BIRC6: variants seen among roughly 807,000 people sequenced by gnomAD.
The protein encoded by BIRC6 is baculoviral IAP repeat containing 6, also known as dual E2 ubiquitin-conjugating enzyme/E3 ubiquitin-protein ligase BIRC6.
In BIRC6, 98 loss-of-function variants were observed where a neutral mutation model predicts 503.3. The observed-to-expected ratio is 0.19, with a 90% confidence interval of 0.17 to 0.23. The LOEUF is 0.23. Ranked by LOEUF, BIRC6 falls within the 10% of genes least tolerant of loss-of-function variation. The probability of loss-of-function intolerance (pLI) is 1.00; values close to 1 mark genes in which losing one functional copy is unlikely to be tolerated. For synonymous variants in BIRC6, 2,240 were observed against 2,078.7 expected (o/e 1.08, Z -2.11); for missense variants, 5,360 against 5,806.0 (o/e 0.92, Z 2.50).
At chr2:32,424,609 G>T (rs1166736091) in intron 10 of BIRC6, among the ~76,000 whole-genome samples, 1 of 151,158 alleles carries the variant, frequency 6.6e-6, no homozygotes, top group African/African-American at 2.4e-5. Flanking sequence ...TTGCCTCCCC[G>T]GCTCTAGTGA....
chr2:32,538,434 C>G (rs931251752), intron 61 of BIRC6, among the ~76,000 whole-genome samples: 2 of 151,660 alleles, frequency 1.3e-5, no homozygotes, highest in African/African-American at 2.4e-5. Context: ...TCCAAATGGC[C>G]CATACATTAG....
intron 4 of BIRC6, among the ~76,000 whole-genome samples, chr2:32,391,323 C>G (rs1172631017): frequency 6.6e-6 from 1 of 151,996 alleles, no homozygotes; most frequent in Non-Finnish European, 1.5e-5. Context: ...CTTTGATGAA[C>G]TTAGGTCTGT....
rs113083667 is a variant in BIRC6 at position 32,598,118 on chromosome 2, G to T, written c.13830+150G>T. On this transcript the variant is annotated intron_variant, in intron 69 of 73. Coordinates refer to ENST00000421745, the MANE Select transcript of BIRC6 (RefSeq NM_016252.4). ...CCATTTTTAGACGGCAGTGAAAGGA[G>T]CCTCCCCACCCCTCCCCCCCTTTTT... 6.8e-3 allele frequency: 4,804 copies of T among 701,890 alleles called. 39 individuals carry two copies. Among genetic ancestry groups the T allele is most frequent in the Middle Eastern group, 0.022 (52 of 2,364 alleles). 43.5% of individuals were successfully genotyped at this position (701,890 alleles called of 1,614,324 possible).
chr2:32,467,060 A>G (rs544297748), intron 26 of BIRC6, among the ~76,000 whole-genome samples: 1 of 150,750 alleles, frequency 6.6e-6, no homozygotes, highest in Admixed American at 6.7e-5. Flanking sequence ...CGGAGCTTGC[A>G]GTGAGCAGAG....
chr2:32,491,691 TTTG>T (rs1200977592), intron 44 of BIRC6, 133 bp downstream of exon 44: 2 of 998,292 alleles, frequency 2.0e-6, no homozygotes, highest in Non-Finnish European at 2.8e-6. Flanking sequence ...TAAAAAAGGT[TTTG>T]TTATTTGTAA....
intron 12 of BIRC6, among the ~76,000 whole-genome samples, chr2:32,431,927 A>T (rs540014616): frequency 6.6e-6 from 1 of 152,370 alleles, no homozygotes; most frequent in South Asian, 2.1e-4. Context: ...ATTGCATGTA[A>T]GAGTGAGAGA....
chr2:32,468,164 T>C (rs2048755402), intron 28 of BIRC6, 53 bp downstream of exon 28: 3 of 1,522,616 alleles, frequency 2.0e-6, no homozygotes, highest in East Asian at 4.6e-5. Flanking sequence ...TTTTATATAA[T>C]GTCTTGCTTA....
chr2:32,580,193 A>G (rs1402902053), intron 66 of BIRC6, among the ~76,000 whole-genome samples: 4 of 152,064 alleles, frequency 2.6e-5, no homozygotes, highest in Non-Finnish European at 5.9e-5. Flanking sequence ...ACCTCAGGTA[A>G]TCCGCCCGCC....
intron 9 of BIRC6, among the ~76,000 whole-genome samples, chr2:32,407,881 A>G (rs2041413977): frequency 2.0e-5 from 3 of 152,156 alleles, no homozygotes; most frequent in African/African-American, 4.8e-5. Context: ...TTAAAAAAAC[A>G]TAGACTGAGG....
intron 48 of BIRC6, 73 bp from the exon 49 acceptor site, chr2:32,502,969 T>G (rs1205490592): frequency 4.6e-6 from 7 of 1,516,062 alleles, no homozygotes; most frequent in Non-Finnish European, 6.3e-6. Context: ...TGTAGTCTTT[T>G]GTGGAAGTTT....
At chr2:32,522,663 G>A (rs2055850441) in intron 57 of BIRC6, 2 of 152,126 alleles carry the variant, frequency 1.3e-5, no homozygotes, top group African/African-American at 4.8e-5. Context: ...TTAAGGCTCT[G>A]TCCTTATGAG....
At position 32,574,160 on chromosome 2, in the gene BIRC6, CTTTTTTTTTTTT is replaced by C. The variant is rs1055060322; in HGVS notation, c.13145-988_13145-977del. Among the ~76,000 whole-genome samples the C allele has an allele frequency of 1.1e-4, 14 of 124,684 alleles. No individual in the cohort carries two copies. The South Asian group carries it at 3.5e-3, about 31-fold the overall frequency. 81.8% of individuals were successfully genotyped at this position (124,684 alleles called of 152,430 possible). On this transcript the variant is annotated intron_variant, in intron 65 of 73. Transcript: ENST00000421745. ...TTTGAGAATCCAAGTATAACTTTTT[CTTTTTTTTTTTT>C]TTTTTTTGAGGCGGGATTTTGCCCT...
Position 32,618,019 on chromosome 2 carries a change from A to C in BIRC6, c.*115A>C. ...TAGGTAATGAAACTGAAACTATACTATGCCCTTAAGGAGATCCAGTTTAAT... is the reference window on the plus strand; with the variant it reads ...TAGGTAATGAAACTGAAACTATACTCTGCCCTTAAGGAGATCCAGTTTAAT... On this transcript the variant is annotated 3_prime_UTR_variant, in exon 74 of 74. Coordinates refer to ENST00000421745, the MANE Select transcript of BIRC6 (RefSeq NM_016252.4). The C allele has an allele frequency of 9.4e-7, 1 of 1,060,868 alleles. No homozygotes were observed. Among genetic ancestry groups the C allele is most frequent in the Non-Finnish European group, 1.3e-6 (1 of 747,296 alleles). The allele number at this position is 1,060,868 out of a possible 1,614,324, so 65.7% of individuals were successfully genotyped here.
intron 49 of BIRC6, among the ~76,000 whole-genome samples, chr2:32,504,693 A>T (rs888967631): frequency 2.6e-5 from 4 of 151,734 alleles, no homozygotes; most frequent in Non-Finnish European, 4.4e-5. Context: ...ATAAATAAAT[A>T]ATAAAAAAAA....
rs531671571 is a variant in BIRC6, at chr2:32,531,395, T to C, written c.12135T>C (p.Ala4045=). 5 of 1,613,624 alleles carry C rather than the reference T, an allele frequency of 3.1e-6. No individual in the cohort carries two copies. Among genetic ancestry groups the C allele is most frequent in the African/African-American group, 2.7e-5 (2 of 74,908 alleles). The change falls in exon 61 of 74, where the codon GCT becomes GCC. Residue 4045 remains alanine (A), a synonymous_variant. Transcript: ENST00000421745. The stretch of plus-strand genomic sequence containing the variant: ...TTGCTAGCTGTCCAGAAGATGAGGC[T>C]CTCACTCCAGGTGATGAATGCATGG... ...DLLASCPEDE[A]LTPGDECMDG...
intron 22 of BIRC6, 80 bp downstream of exon 22, chr2:32,449,008 T>G (rs2046385362): frequency 7.3e-7 from 1 of 1,363,932 alleles, no homozygotes; most frequent in Non-Finnish European, 1.0e-6. Flanking sequence ...TAGATTATAG[T>G]CATGATGTTT....
At chr2:32,416,923 G>A (rs1025974782) in intron 10 of BIRC6, among the ~76,000 whole-genome samples, 21 of 149,910 alleles carry the variant, frequency 1.4e-4, no homozygotes, top group Non-Finnish European at 2.5e-4. Context: ...TGCAACATCC[G>A]CTCCCAGGTT....
Position 32,476,315 on chromosome 2 carries a change from C to A in BIRC6, c.6823C>A (p.Gln2275Lys). The A allele has an allele frequency of 6.3e-7, 1 of 1,576,822 alleles. No individual in the cohort carries two copies. The highest frequency in any genetic ancestry group is 8.6e-7 in the Non-Finnish European group (1 of 1,159,802). ...KGSSYKLLVE[Q>K]AKLKQATSKH... ...ATCATCATATAAACTCCTGGTAGAA[C>A]AAGCAAAACTAAAGCAGGCCACTTC... Residue 2275 changes from glutamine to lysine, a missense_variant, in exon 34 of 74, where the codon CAA becomes AAA. Gln to Lys is a moderately conservative substitution (Grantham distance 53). Transcript: ENST00000421745.
rs777885597 is a variant in BIRC6 at position 32,515,018 on chromosome 2, C to T, written c.10597C>T (p.Pro3533Ser). The T allele has an allele frequency of 1.1e-5, 17 of 1,613,590 alleles. No homozygotes were observed. The highest frequency in any genetic ancestry group is 1.2e-5 in the Non-Finnish European group (14 of 1,179,726). The change falls in exon 55 of 74, where the codon CCC (proline) becomes TCC (serine). Residue 3533 changes from proline (P) to serine (S), a missense_variant. This residue lies in a region of BIRC6 where 878 missense variants were observed against 928.9 expected (regional missense o/e 0.95). Transcript: ENST00000421745. Reference sequence around the variant, plus strand: ...ACTTTTTAATTGGTCCATGTCTCTTCCCTGCAATATGGTTTTGAAGAAAGC... The same window carrying T: ...ACTTTTTAATTGGTCCATGTCTCTTTCCTGCAATATGGTTTTGAAGAAAGC... ...ELLFNWSMSL[P>S]CNMVLKKAVD...
Sources: gnomAD v4.1 joint callset for allele counts (sites outside exome capture counted in the v4.1 genomes callset) on GRCh38, gnomAD v4.1.1 for gene constraint, gnomAD v4.1.1 regional missense constraint, MANE v1.5 for transcripts, NCBI Gene and HGNC (gene_info 2026-07-23, HGNC 2026-07-21) for gene names.